SORCS1: variants seen among roughly 807,000 people sequenced by gnomAD.
SORCS1 encodes sortilin related VPS10 domain containing receptor 1, also known as VPS10 domain-containing receptor SorCS1.
Under a neutral mutation model 146.1 loss-of-function variants are expected in SORCS1, and 60 were observed. The ratio of observed to expected loss-of-function variants is 0.41; its 90% CI spans 0.33 to 0.51. SORCS1 has a LOEUF of 0.51. Among genes scored for constraint, SORCS1 ranks in the 20% least tolerant of loss-of-function variants. The probability of loss-of-function intolerance (pLI) is 0.21; values close to 1 mark genes in which losing one functional copy is unlikely to be tolerated. For synonymous variants in SORCS1, 637 were observed against 584.0 expected (o/e 1.09, Z -1.31); for missense variants, 1,352 against 1,487.6 (o/e 0.91, Z 1.50).
chr10:106,633,970 G>A (rs189239600), intron 18 of SORCS1, among the ~76,000 whole-genome samples: 3 of 152,240 alleles, frequency 2.0e-5, no homozygotes, highest in African/African-American at 4.8e-5. Context: ...TCTTCTTGTG[G>A]TCGGATACAT....
chr10:107,036,543 C>T (rs1473037199), intron 1 of SORCS1, among the ~76,000 whole-genome samples: 1 of 152,120 alleles, frequency 6.6e-6, no homozygotes, highest in Non-Finnish European at 1.5e-5. Context: ...GAACTTAAGT[C>T]CTCTGCCCAC....
At chr10:106,749,294 T>C (rs756146850) in intron 5 of SORCS1, among the ~76,000 whole-genome samples, 1 of 152,188 alleles carries the variant, frequency 6.6e-6, no homozygotes, top group Non-Finnish European at 1.5e-5. Flanking sequence ...AGTTTGTCCT[T>C]GTTCTTCTCT....
intron 3 of SORCS1, among the ~76,000 whole-genome samples, chr10:106,826,744 GC>G (rs1948324906): frequency 6.6e-6 from 1 of 152,112 alleles, no homozygotes; most frequent in African/African-American, 2.4e-5. Context: ...GACCATGAAG[GC>G]CTCATTTATC....
chr10:107,035,295 GA>G (rs1958859692), intron 1 of SORCS1, among the ~76,000 whole-genome samples: 3 of 139,030 alleles, frequency 2.2e-5, no homozygotes, highest in African/African-American at 5.3e-5. Context: ...AAAAAACACA[GA>G]AAAACTTCAC....
chr10:106,821,412 T>A (rs932532306), intron 3 of SORCS1, among the ~76,000 whole-genome samples: 1 of 152,192 alleles, frequency 6.6e-6, no homozygotes, highest in African/African-American at 2.4e-5. Flanking sequence ...CTGTATCTTT[T>A]AAAAATACAT....
At chr10:106,911,890 A>G (rs1952176309) in intron 2 of SORCS1, among the ~76,000 whole-genome samples, 1 of 152,124 alleles carries the variant, frequency 6.6e-6, no homozygotes, top group South Asian at 2.1e-4. Flanking sequence ...AGGTGGGTGG[A>G]TCACGAGGTC....
intron 1 of SORCS1, among the ~76,000 whole-genome samples, chr10:107,034,010 C>A (rs1958781962): frequency 6.6e-6 from 1 of 152,186 alleles, no homozygotes; most frequent in Non-Finnish European, 1.5e-5. Flanking sequence ...AGCTAATCCC[C>A]TAGTTCGTTG....
intron 1 of SORCS1, among the ~76,000 whole-genome samples, chr10:107,049,767 G>A (rs911877795): frequency 7.2e-5 from 11 of 152,002 alleles, no homozygotes; most frequent in African/African-American, 2.7e-4. Flanking sequence ...AGTGGATGAC[G>A]GTATCAAACA....
chr10:107,117,409 A>T (rs1235597356), intron 1 of SORCS1, among the ~76,000 whole-genome samples: 3 of 152,218 alleles, frequency 2.0e-5, no homozygotes, highest in African/African-American at 7.2e-5. Context: ...GGTTCAAAAC[A>T]GGGGATCATT....
At chr10:107,147,381 C>T (rs2134776064) in intron 1 of SORCS1, among the ~76,000 whole-genome samples, 1 of 152,292 alleles carries the variant, frequency 6.6e-6, no homozygotes, top group South Asian at 2.1e-4. Context: ...CAGCCATCAG[C>T]CCATCCTATC....
chr10:107,084,380 G>A (rs940777433), intron 1 of SORCS1, among the ~76,000 whole-genome samples: 3 of 151,530 alleles, frequency 2.0e-5, no homozygotes, highest in Non-Finnish European at 2.9e-5. Flanking sequence ...TGGGATTACC[G>A]GCATGAGCCG....
intron 4 of SORCS1, among the ~76,000 whole-genome samples, chr10:106,764,324 A>C (rs907423878): frequency 6.6e-6 from 1 of 152,360 alleles, no homozygotes; most frequent in African/African-American, 2.4e-5. Flanking sequence ...CTGCCATTCA[A>C]GTTAACGTGT....
chr10:106,796,188 A>T (rs900027138), intron 3 of SORCS1, among the ~76,000 whole-genome samples: 13 of 152,296 alleles, frequency 8.5e-5, no homozygotes, highest in South Asian at 2.1e-4. Context: ...GCTATTTTTT[A>T]AAATGTCTGC....
Position 106,730,878 on chromosome 10 carries a change from A to G in SORCS1, c.960-764T>C, listed in dbSNP as rs550427171. Among the ~76,000 whole-genome samples, 7 of 152,260 alleles carry G rather than the reference A, an allele frequency of 4.6e-5. No homozygotes were observed. The South Asian group carries it at 1.5e-3, about 32-fold the overall frequency. ...TGGGAACATCTGCACTTTTTGAAAAAATCAGGCTTTGCAGAACTTTAATTT... is the reference window on the plus strand; with the variant it reads ...TGGGAACATCTGCACTTTTTGAAAAGATCAGGCTTTGCAGAACTTTAATTT... On this transcript the variant is annotated intron_variant, in intron 5 of 25. Transcript: ENST00000263054.
chr10:107,055,423 C>T (rs1299314570), intron 1 of SORCS1, among the ~76,000 whole-genome samples: 1 of 152,174 alleles, frequency 6.6e-6, no homozygotes, highest in African/African-American at 2.4e-5. Flanking sequence ...AGGTTACTTG[C>T]AATGACGATG....
chr10:106,601,856 C>T (rs1250534453), intron 23 of SORCS1, among the ~76,000 whole-genome samples: 2 of 152,188 alleles, frequency 1.3e-5, no homozygotes, highest in African/African-American at 4.8e-5. Flanking sequence ...TGGCACATAT[C>T]ACTTCTGCTC....
chr10:106,579,470 G>T lies in SORCS1; in HGVS notation c.3270C>A (p.Pro1090=), dbSNP rs766587005. ...LVHAAHLTAA[P]LVDLTPTHSG... ...TGTGGGTTGGAGTGAGGTCCACCAGGGGGGCTTGTGGGGGAAACAGAGCAG... is the reference window on the plus strand; with the variant it reads ...TGTGGGTTGGAGTGAGGTCCACCAGTGGGGCTTGTGGGGGAAACAGAGCAG... The change falls in exon 25 of 26, where the codon CCC becomes CCA. Residue 1090 remains proline, a synonymous_variant. Coordinates refer to ENST00000263054, the MANE Select transcript of SORCS1 (RefSeq NM_052918.5). 1.2e-6 allele frequency: 2 copies of T among 1,613,484 alleles called. No homozygotes were observed. The highest frequency in any genetic ancestry group is 1.7e-6 in the Non-Finnish European group (2 of 1,179,836).
At chr10:106,703,386 T>C (rs956048261) in intron 8 of SORCS1, among the ~76,000 whole-genome samples, 1 of 152,128 alleles carries the variant, frequency 6.6e-6, no homozygotes, top group Non-Finnish European at 1.5e-5. Flanking sequence ...TTATAGAGTA[T>C]CTGTCCTCCA....
Position 106,671,336 on chromosome 10 carries a change from A to T in SORCS1, c.2090T>A (p.Ile697Lys). 6.2e-7 allele frequency: 1 copy of T among 1,614,060 alleles called. No individual in the cohort carries two copies. Among genetic ancestry groups the T allele is most frequent in the Non-Finnish European group, 8.5e-7 (1 of 1,179,984 alleles). The change falls in exon 16 of 26, where the codon ATA becomes AAA. Residue 697 changes from isoleucine (I) to lysine (K), a missense_variant. Around this residue, in one of 3 missense-constraint regions of SORCS1, gnomAD observed 648 missense variants for 793.8 expected, o/e 0.82. Transcript: ENST00000263054. ...CCGCTCTGATTTTCGCTTCTTATAT[A>T]TCCTTTTTGCTCCCATGATACATGC... ...GEACIMGAKR[I>K]YKKRKSERKC... is the part of the protein sequence containing the mutation.
Sources: gnomAD v4.1 joint callset for allele counts (sites outside exome capture counted in the v4.1 genomes callset) on GRCh38, gnomAD v4.1.1 for gene constraint, gnomAD v4.1.1 regional missense constraint, MANE v1.5 for transcripts, NCBI Gene and HGNC (gene_info 2026-07-23, HGNC 2026-07-21) for gene names.